Variants in MAST2 observed in about 807,000 individuals in gnomAD.
The protein encoded by MAST2 is microtubule-associated serine/threonine-protein kinase 2.
Under a neutral mutation model 147.4 loss-of-function variants are expected in MAST2, and 70 were observed. The ratio of observed to expected loss-of-function variants is 0.47; its 90% CI spans 0.39 to 0.58. The LOEUF is 0.58. Among genes scored for constraint, MAST2 ranks in the 20% least tolerant of loss-of-function variants. MAST2 has a pLI of 0.00. For missense variants in MAST2, 2,080 were observed against 2,302.3 expected (o/e 0.90, Z 1.98); for synonymous variants, 869 against 896.8 (o/e 0.97, Z 0.55).
Position 46,031,091 on chromosome 1 carries a change from A to T in MAST2, c.2793A>T (p.Ser931=). 6.2e-7 allele frequency: 1 copy of T among 1,613,050 alleles called. No individual in the cohort carries two copies. The highest frequency in any genetic ancestry group is 8.5e-7 in the Non-Finnish European group (1 of 1,179,330). The stretch of plus-strand genomic sequence containing the variant: ...CAATGACAGTGCGACGCCGCTGCTC[A>T]GGCCTCCTGGATGCGCCTCGGTTCC... The part of the protein sequence containing the change: ...SPPMTVRRRC[S]GLLDAPRFPE... Residue 931 remains serine (S), a synonymous_variant, in exon 23 of 29, where the codon TCA becomes TCT. Transcript: ENST00000361297. The surrounding 1 kb of genome is among the most constrained non-coding windows in gnomAD (Gnocchi z 4.1).
chr1:46,024,243 G>A (rs1037210763), intron 15 of MAST2: 11 of 448,910 alleles, frequency 2.5e-5, no homozygotes, highest in East Asian at 1.8e-4. Context: ...AAGCCTGCAC[G>A]CTCTCTACTG....
At position 46,035,798 on chromosome 1, in the gene MAST2, C is replaced by A. The variant is rs765999541; in HGVS notation, c.5129C>A (p.Ala1710Asp). The change falls in exon 29 of 29, where the codon GCC becomes GAC. Residue 1710 changes from alanine to aspartate, a missense_variant. This residue lies in a region of MAST2 where 1,278 missense variants were observed against 1,304.2 expected (regional missense o/e 0.98). Coordinates refer to ENST00000361297, the MANE Select transcript of MAST2 (RefSeq NM_015112.3). This position sits in a 1 kb window ranked among gnomAD's most constrained non-coding sequence, Gnocchi z 5.5. ...REQGKTQPPS[A>D]PRLAHPSYED... ...CAGGGGAAGACACAGCCACCTAGTG[C>A]CCCCAGACTGGCCCATCCATCTTAT... 6.2e-7 allele frequency: 1 copy of A among 1,614,140 alleles called. No homozygotes were observed. The highest frequency in any genetic ancestry group is 8.5e-7 in the Non-Finnish European group (1 of 1,180,042).
intron 5 of MAST2, among the ~76,000 whole-genome samples, chr1:45,965,890 A>G (rs1365101006): frequency 6.6e-6 from 1 of 152,128 alleles, no homozygotes; most frequent in Non-Finnish European, 1.5e-5. Context: ...CTGACACATC[A>G]CCCAGGCACT....
At chr1:45,980,366 C>T (rs1644358611) in intron 5 of MAST2, among the ~76,000 whole-genome samples, 1 of 151,670 alleles carries the variant, frequency 6.6e-6, no homozygotes, top group East Asian at 1.9e-4. Context: ...GTTCTGTGCT[C>T]ACTACATGAT....
At chr1:45,905,066 C>T (rs1188881615) in intron 4 of MAST2, among the ~76,000 whole-genome samples, 1 of 152,172 alleles carries the variant, frequency 6.6e-6, no homozygotes, top group Non-Finnish European at 1.5e-5. Flanking sequence ...CTGCCTTGGC[C>T]TCCCAAAGTT....
intron 1 of MAST2, among the ~76,000 whole-genome samples, chr1:45,822,888 C>A (rs1168005479): frequency 1.3e-5 from 2 of 152,214 alleles, no homozygotes; most frequent in Non-Finnish European, 2.9e-5. Flanking sequence ...TCCCTTGCTA[C>A]CTTCTGTTTT....
chr1:46,031,954 A>C lies in MAST2; in HGVS notation c.3188-224A>C, dbSNP rs1420108590. ...ATTTAAATATATATGACAAGCTTATATAGTCCCTGATACACACATAAATGC... is the reference window on the plus strand; with the variant it reads ...ATTTAAATATATATGACAAGCTTATCTAGTCCCTGATACACACATAAATGC... On this transcript the variant is annotated intron_variant, in intron 24 of 28. Transcript: ENST00000361297. This position sits in a 1 kb window ranked among gnomAD's most constrained non-coding sequence, Gnocchi z 4.1. Among the ~76,000 whole-genome samples the C allele has an allele frequency of 2.6e-5, 4 of 152,216 alleles. No homozygotes were observed. The highest frequency in any genetic ancestry group is 2.0e-4 in the Admixed American group (3 of 15,272).
intron 4 of MAST2, among the ~76,000 whole-genome samples, chr1:45,934,299 A>T (rs1183131903): frequency 6.6e-6 from 1 of 152,154 alleles, no homozygotes; most frequent in African/African-American, 2.4e-5. Flanking sequence ...CCTAGCTAAC[A>T]CGGTGAAACC....
chr1:45,921,849 C>G (rs905654402), intron 4 of MAST2, among the ~76,000 whole-genome samples: 13 of 152,194 alleles, frequency 8.5e-5, no homozygotes, highest in African/African-American at 2.9e-4. Flanking sequence ...TGTTTCAGCT[C>G]TGTTTGTATT....
intron 4 of MAST2, among the ~76,000 whole-genome samples, chr1:45,894,245 G>T (rs1557876976): frequency 6.6e-6 from 1 of 151,564 alleles, no homozygotes; most frequent in Non-Finnish European, 1.5e-5. Context: ...TACACTGAAA[G>T]TTTTATTTTA....
At chr1:45,990,310 T>C (rs970954803) in intron 5 of MAST2, among the ~76,000 whole-genome samples, 2 of 152,236 alleles carry the variant, frequency 1.3e-5, no homozygotes, top group Non-Finnish European at 2.9e-5. Context: ...TGAGAATCTT[T>C]TTATATACTT....
chr1:45,895,351 C>T (rs1161531397), intron 4 of MAST2, among the ~76,000 whole-genome samples: 3 of 152,004 alleles, frequency 2.0e-5, no homozygotes, highest in Non-Finnish European at 2.9e-5. Flanking sequence ...GGTACATACC[C>T]GGGATTGGTC....
At chr1:45,993,911 A>G (rs991178439) in intron 5 of MAST2, among the ~76,000 whole-genome samples, 1 of 152,184 alleles carries the variant, frequency 6.6e-6, no homozygotes, top group Non-Finnish European at 1.5e-5. Flanking sequence ...CACAGAGCTC[A>G]GAAAACCCCT....
chr1:45,930,747 T>A (rs1325708184), intron 4 of MAST2, among the ~76,000 whole-genome samples: 2 of 152,028 alleles, frequency 1.3e-5, no homozygotes, highest in Non-Finnish European at 2.9e-5. Flanking sequence ...AAACCAGGGG[T>A]CAGCAAAATA....
intron 1 of MAST2, among the ~76,000 whole-genome samples, chr1:45,806,777 A>G (rs1286909077): frequency 6.6e-6 from 1 of 152,046 alleles, no homozygotes; most frequent in South Asian, 2.1e-4. Context: ...GGGTTTCACC[A>G]TGTTGGCCAG....
intron 4 of MAST2, among the ~76,000 whole-genome samples, chr1:45,939,024 T>G (rs1272057779): frequency 6.6e-6 from 1 of 152,128 alleles, no homozygotes; most frequent in African/African-American, 2.4e-5. Flanking sequence ...TGTATTTGGA[T>G]GGTGTCGTTT....
intron 4 of MAST2, among the ~76,000 whole-genome samples, chr1:45,954,814 G>T (rs1290087471): frequency 2.0e-5 from 3 of 152,162 alleles, no homozygotes; most frequent in African/African-American, 7.2e-5. Context: ...AAGGCATGTG[G>T]CCTGGAAATA....
At chr1:45,939,465 T>C (rs551617290) in intron 4 of MAST2, among the ~76,000 whole-genome samples, 1 of 152,306 alleles carries the variant, frequency 6.6e-6, no homozygotes, top group African/African-American at 2.4e-5. Flanking sequence ...ACTTTGTTCT[T>C]TTTCAAAATT....
chr1:45,877,630 C>A (rs1646662559), intron 3 of MAST2, among the ~76,000 whole-genome samples: 1 of 152,104 alleles, frequency 6.6e-6, no homozygotes. Context: ...TATTAACATA[C>A]AGGCAAATAT....
Sources: gnomAD v4.1 joint callset for allele counts (sites outside exome capture counted in the v4.1 genomes callset) on GRCh38, gnomAD v4.1.1 for gene constraint, gnomAD v4.1.1 regional missense constraint, Gnocchi (gnomAD v3.1) non-coding constraint, MANE v1.5 for transcripts, NCBI Gene and HGNC (gene_info 2026-07-23, HGNC 2026-07-21) for gene names.